Variants in FN3KRP observed in about 807,000 individuals in gnomAD.
FN3KRP encodes the protein ketosamine-3-kinase.
In FN3KRP, 33 loss-of-function variants were observed where a neutral mutation model predicts 29.8. That is an observed-to-expected ratio of 1.11 (90% CI 0.84 to 1.48). The LOEUF (loss-of-function observed/expected upper bound fraction) is 1.48. FN3KRP is among the 40% of genes most tolerant of loss of function. FN3KRP has a pLI of 0.00. For synonymous variants in FN3KRP, 157 were observed against 155.2 expected, an observed-to-expected ratio of 1.01 and a Z score of -0.09; for missense variants, 430 against 402.6, an observed-to-expected ratio of 1.07 and a Z score of -0.58.
At chr17:82,718,115 G>A (rs576286408) in intron 1 of FN3KRP, among the ~76,000 whole-genome samples, 31 of 148,692 alleles carry the variant, frequency 2.1e-4, no homozygotes, top group East Asian at 6.0e-4. Flanking sequence ...TCTGTAAGTC[G>A]TATGTTGTGT....
chr17:82,716,833 C>A lies in FN3KRP; in HGVS notation c.78C>A (p.Ser26Arg). 6.4e-7 allele frequency: 1 copy of A among 1,558,702 alleles called. No individual in the cohort carries two copies. Among genetic ancestry groups the A allele is most frequent in the Non-Finnish European group, 8.6e-7 (1 of 1,157,714 alleles). Residue 26 changes from serine (S) to arginine (R), a missense_variant, in exon 1 of 6, where the codon AGC becomes AGA. Physicochemically the swap from Ser to Arg is moderately radical, Grantham distance 110. Coordinates refer to ENST00000269373, the MANE Select transcript of FN3KRP (RefSeq NM_024619.4). The part of the protein sequence containing the change: ...ATGHSGGGCI[S>R]QGRSYDTDQG... The stretch of plus-strand genomic sequence containing the variant: ...GCCACTCGGGGGGCGGGTGCATCAG[C>A]CAGGGCCGGAGCTACGACACGGATC...
Position 82,722,843 on chromosome 17 carries a change from G to C in FN3KRP, c.425G>C (p.Arg142Pro), listed in dbSNP as rs374288236. The C allele has an allele frequency of 4.3e-6, 7 of 1,614,014 alleles. No individual in the cohort carries two copies. In the African/African-American group the frequency reaches 9.3e-5, roughly 22 times the overall value. ...GGQEERPFVARFGFDVVTCCG... is the reference protein window; with the variant it reads ...GGQEERPFVAPFGFDVVTCCG... ...CAGGAGGAACGGCCCTTTGTGGCCCGGTTTGGATTTGACGTGGTGACGTGC... is the reference window on the plus strand; with the variant it reads ...CAGGAGGAACGGCCCTTTGTGGCCCCGTTTGGATTTGACGTGGTGACGTGC... The change falls in exon 4 of 6, where the codon CGG (arginine) becomes CCG (proline). Residue 142 changes from arginine to proline, a missense_variant. Transcript: ENST00000269373.
rs147593094 is a variant in FN3KRP, at chr17:82,726,566, G to A, written c.555G>A (p.Gly185=). ...TGGACATGGTGGAGAAGGAGTCTGG[G>A]GACAGGGAGGCCCTCCAGCTTTGGT... The part of the protein sequence containing the change: ...PQMDMVEKES[G]DREALQLWSA... Residue 185 remains glycine (G), a synonymous_variant, in exon 5 of 6, where the codon GGG becomes GGA. Coordinates refer to ENST00000269373, the MANE Select transcript of FN3KRP (RefSeq NM_024619.4). 4.4e-3 allele frequency: 7,109 copies of A among 1,614,052 alleles called. 460 individuals are homozygous for A. The Admixed American group carries it at 0.11, about 25-fold the overall frequency.
intron 4 of FN3KRP, among the ~76,000 whole-genome samples, chr17:82,723,651 G>A (rs2046816749): frequency 6.6e-6 from 1 of 152,012 alleles, no homozygotes; most frequent in South Asian, 2.1e-4. Flanking sequence ...GTGTGCATGT[G>A]TGTACGCGTG....
chr17:82,718,769 T>C lies in FN3KRP; in HGVS notation c.142-137T>C, dbSNP rs963684680. 8 of 1,235,092 alleles carry C rather than the reference T, an allele frequency of 6.5e-6. No homozygotes were observed. The Admixed American group carries it at 8.7e-5, about 13-fold the overall frequency. The allele number at this position is 1,235,092 out of a possible 1,614,324, so 76.5% of individuals were successfully genotyped here. On this transcript the variant is annotated intron_variant, in intron 1 of 5. Transcript: ENST00000269373. ...TGTTGGCAAGTGTGTTTGAAAACAC[T>C]GTCCATGTGTATGGAATCCTCAGTC...
rs111958189 is a variant in FN3KRP at position 82,726,855 on chromosome 17, G to A, written c.614G>A (p.Arg205His). The stretch of plus-strand genomic sequence containing the variant: ...CAGTTAAAGATCCCTGACCTGTTCC[G>A]TGACCTGGAGATCATCCCAGCCTTA... ...ALQLKIPDLF[R>H]DLEIIPALLH... is the part of the protein sequence containing the mutation. The change falls in exon 6 of 6, where the codon CGT (arginine) becomes CAT (histidine). Residue 205 changes from arginine (R) to histidine (H), a missense_variant. Physicochemically the swap from Arg to His is conservative, Grantham distance 29. Coordinates refer to ENST00000269373, the MANE Select transcript of FN3KRP (RefSeq NM_024619.4). The A allele has an allele frequency of 3.7e-5, 57 of 1,549,062 alleles. 1 individual carries two copies. Among genetic ancestry groups the A allele is most frequent in the African/African-American group, 3.3e-4 (24 of 72,576 alleles).
rs775451448 is a variant in FN3KRP, at chr17:82,727,198, CAG to C, written c.*30_*31del. The C allele has an allele frequency of 6.3e-7, 1 of 1,597,772 alleles. No individual in the cohort carries two copies. The highest frequency in any genetic ancestry group is 1.3e-5 in the African/African-American group (1 of 74,286). ...CGGGCCTTACTCTGGAAGGAGGCCT[CAG>C]AGGTTTCTCCACAGTCCTCTTCTGG... On this transcript the variant is annotated 3_prime_UTR_variant, in exon 6 of 6. Transcript: ENST00000269373.
intron 1 of FN3KRP, 22 bp from the exon 2 acceptor site, chr17:82,718,865 GCCTCCCTGTATTTCCACTT>G (rs1383978496): frequency 1.9e-6 from 3 of 1,601,578 alleles, no homozygotes; most frequent in Admixed American, 3.4e-5. Flanking sequence ...AAGTAACCTT[GCCTCCCTGTATTTCCACTT>G]CCTCTCGTAT....
intron 4 of FN3KRP, among the ~76,000 whole-genome samples, chr17:82,723,233 C>T (rs1726860470): frequency 6.6e-6 from 1 of 152,314 alleles, no homozygotes; most frequent in East Asian, 1.9e-4. Context: ...CTCCGCATTT[C>T]CACCTGGGGA....
Position 82,726,614 on chromosome 17 carries a change from C to T in FN3KRP, c.591+12C>T, listed in dbSNP as rs185796753. 8.2e-5 allele frequency: 131 copies of T among 1,606,792 alleles called. No individual in the cohort carries two copies. In the African/African-American group the frequency reaches 1.6e-3, roughly 19 times the overall value. On this transcript the variant is annotated intron_variant, in intron 5 of 5. Transcript: ENST00000269373. Reference sequence around the variant, plus strand: ...GGTCTGCTCTGCAGGTGAGTGGGGCCCCACTGCATGCCCAGCACCTGCCAC... The same window carrying T: ...GGTCTGCTCTGCAGGTGAGTGGGGCTCCACTGCATGCCCAGCACCTGCCAC...
intron 1 of FN3KRP, chr17:82,718,673 C>T: frequency 7.9e-7 from 1 of 1,264,360 alleles, no homozygotes; most frequent in Non-Finnish European, 1.0e-6. Context: ...CCACAGCACA[C>T]AAGTGTAGTC....
In FN3KRP at chr17:82,718,910, G is replaced by A; in HGVS notation, c.146G>A (p.Arg49Lys). ...CCTCTCGTATTTTTCTGACAGGCCA[G>A]AAGAATGTTTGAAGGTGAGATGGCA... ...FVKVNPKAEA[R>K]RMFEGEMASL... Residue 49 changes from arginine (R) to lysine (K), a missense_variant, in exon 2 of 6, where the codon AGA becomes AAA. Coordinates refer to ENST00000269373, the MANE Select transcript of FN3KRP (RefSeq NM_024619.4). 2 of 1,613,670 alleles carry A rather than the reference G, an allele frequency of 1.2e-6. No individual in the cohort carries two copies. Among genetic ancestry groups the A allele is most frequent in the Non-Finnish European group, 1.7e-6 (2 of 1,179,582 alleles).
At chr17:82,722,491 C>G in intron 3 of FN3KRP, 1 of 293,578 alleles carries the variant, frequency 3.4e-6, no homozygotes, top group Admixed American at 4.8e-5. Flanking sequence ...GAGACAGGTC[C>G]CCTGAGAGGT....
intron 1 of FN3KRP, among the ~76,000 whole-genome samples, chr17:82,718,043 T>C (rs987071592): frequency 2.0e-5 from 3 of 150,704 alleles, no homozygotes; most frequent in African/African-American, 7.3e-5. Flanking sequence ...TGACCTGTTC[T>C]GCGGGGATCA....
At position 82,726,513 on chromosome 17, in the gene FN3KRP, T is replaced by A. The variant is rs1309149764; in HGVS notation, c.502T>A (p.Tyr168Asn). Residue 168 changes from tyrosine (Y) to asparagine (N), a missense_variant, in exon 5 of 6, where the codon TAT (tyrosine) becomes AAT (asparagine). Transcript: ENST00000269373. Reference sequence around the variant, plus strand: ...CTGGCAGGAGGACTGGGTCGTGTTCTATGCCCGGCAGCGCATTCAGCCCCA... The same window carrying A: ...CTGGCAGGAGGACTGGGTCGTGTTCAATGCCCGGCAGCGCATTCAGCCCCA... The part of the protein sequence containing the change: ...NDWQEDWVVF[Y>N]ARQRIQPQMD... The A allele has an allele frequency of 1.2e-6, 2 of 1,614,084 alleles. No homozygotes were observed. The highest frequency in any genetic ancestry group is 2.7e-5 in the African/African-American group (2 of 74,950).
chr17:82,725,594 C>T lies in FN3KRP; in HGVS notation c.469-886C>T, dbSNP rs925438539. Among the ~76,000 whole-genome samples the T allele has an allele frequency of 1.6e-4, 24 of 152,176 alleles. No homozygotes were observed. The East Asian group carries it at 3.5e-3, about 22-fold the overall frequency. On this transcript the variant is annotated intron_variant, in intron 4 of 5. Transcript: ENST00000269373. ...CCTCCTGTGTGACTGGGATTACAGG[C>T]GCCCACCACCACGTCCGGCTAATTT...
Position 82,727,119 on chromosome 17 carries a change from G to A in FN3KRP, c.878G>A (p.Gly293Glu). ...TACTTGAACCACTGGAATCATTTTGGATCGGGGTACAGAGGATCCTCCCTG... is the reference window on the plus strand; with the variant it reads ...TACTTGAACCACTGGAATCATTTTGAATCGGGGTACAGAGGATCCTCCCTG... ...FHYLNHWNHF[G>E]SGYRGSSLNI... The change falls in exon 6 of 6, where the codon GGA becomes GAA. Residue 293 changes from glycine (G) to glutamate (E), a missense_variant. Physicochemically the swap from Gly to Glu is moderately conservative, Grantham distance 98 (BLOSUM62 -2). Coordinates refer to ENST00000269373, the MANE Select transcript of FN3KRP (RefSeq NM_024619.4). 1.2e-6 allele frequency: 2 copies of A among 1,614,122 alleles called. No individual in the cohort carries two copies. Among genetic ancestry groups the A allele is most frequent in the Non-Finnish European group, 1.7e-6 (2 of 1,180,024 alleles).
chr17:82,726,157 G>A (rs2046835456), intron 4 of FN3KRP, among the ~76,000 whole-genome samples: 1 of 152,098 alleles, frequency 6.6e-6, no homozygotes, highest in African/African-American at 2.4e-5. Context: ...TCCAGCCTGG[G>A]CAATGAGAGC....
At chr17:82,722,188 G>A (rs1224645854) in intron 3 of FN3KRP, among the ~76,000 whole-genome samples, 2 of 151,774 alleles carry the variant, frequency 1.3e-5, no homozygotes, top group African/African-American at 4.8e-5. Flanking sequence ...AGGCTGGAGT[G>A]CAATGGAGCG....
Sources: allele counts gnomAD v4.1 joint callset (sites outside exome capture counted in the v4.1 genomes callset), GRCh38; gene constraint gnomAD v4.1.1; transcripts MANE v1.5; gene names NCBI Gene and HGNC (gene_info 2026-07-23, HGNC 2026-07-21).